The following TMEM39A variants were observed in gnomAD, a reference collection of about 807,000 sequenced individuals.
TMEM39A encodes suppressor of SQST-1 aggregates in rpl-43 mutants.
Under a neutral mutation model 51.9 loss-of-function variants are expected in TMEM39A, and 19 were observed. That is an observed-to-expected ratio of 0.37 (90% CI 0.26 to 0.54). TMEM39A has a LOEUF of 0.54. TMEM39A is among the 20% of genes least tolerant of loss of function. The pLI is 0.88. For synonymous variants in TMEM39A, 197 were observed against 220.2 expected, an observed-to-expected ratio of 0.89 and a Z score of 0.93; for missense variants, 433 against 590.5, an observed-to-expected ratio of 0.73 and a Z score of 2.76.
intron 2 of TMEM39A, among the ~76,000 whole-genome samples, chr3:119,461,491 CTT>C (rs2081336353): frequency 6.6e-6 from 1 of 152,226 alleles, no homozygotes; most frequent in Admixed American, 6.5e-5. Context: ...AAAAGTATCT[CTT>C]TGAACTGCTA....
chr3:119,461,885 A>T, intron 2 of TMEM39A, 77 bp downstream of exon 2: 1 of 1,136,580 alleles, frequency 8.8e-7, no homozygotes, highest in Non-Finnish European at 1.3e-6. Flanking sequence ...CAAATATCTG[A>T]ATGACATGAT....
intron 2 of TMEM39A, among the ~76,000 whole-genome samples, chr3:119,459,113 G>C: frequency 6.6e-6 from 1 of 152,128 alleles, no homozygotes; most frequent in Admixed American, 6.6e-5. Flanking sequence ...AAAGAATGCA[G>C]GTGTTCAACA....
In TMEM39A at chr3:119,429,683, T is replaced by C. The variant is rs1299724209; in HGVS notation, c.*2298A>G. 1 of 152,128 alleles carries C rather than the reference T, an allele frequency of 6.6e-6. No individual in the cohort carries two copies. Among genetic ancestry groups the C allele is most frequent in the Admixed American group, 6.6e-5 (1 of 15,258 alleles). The allele number at this position is 152,128 out of a possible 1,614,324, so 9.4% of individuals were successfully genotyped here. On this transcript the variant is annotated 3_prime_UTR_variant, in exon 9 of 9. Transcript: ENST00000319172. Reference sequence around the variant, plus strand: ...ACAAACAAACAAAAAACAGCTGGAATGTGTAGAACACGTTGAACTAAACGG... The same window carrying C: ...ACAAACAAACAAAAAACAGCTGGAACGTGTAGAACACGTTGAACTAAACGG...
intron 7 of TMEM39A, among the ~76,000 whole-genome samples, chr3:119,436,096 T>C (rs1317165162): frequency 2.0e-5 from 3 of 152,102 alleles, no homozygotes; most frequent in Admixed American, 6.5e-5. Flanking sequence ...ATGGTTTGGG[T>C]CTGAAAGAAA....
At chr3:119,452,402 C>T (rs1195767770) in intron 4 of TMEM39A, 45 bp downstream of exon 4, 1 of 1,495,644 alleles carries the variant, frequency 6.7e-7, no homozygotes, top group Non-Finnish European at 9.2e-7. Flanking sequence ...ATTCTAGTAA[C>T]TAACTCTAGC....
At chr3:119,439,162 G>C (rs2081015952) in intron 5 of TMEM39A, among the ~76,000 whole-genome samples, 1 of 152,054 alleles carries the variant, frequency 6.6e-6, no homozygotes, top group African/African-American at 2.4e-5. Context: ...TCCAACTGTT[G>C]GTTCCTTAAA....
chr3:119,451,830 CAAAAAAAAAAAA>C (rs10653676), intron 4 of TMEM39A, among the ~76,000 whole-genome samples: 3 of 54,304 alleles, frequency 5.5e-5, no homozygotes, highest in African/African-American at 1.6e-4. Context: ...AACTCCGTCT[CAAAAAAAAAAAA>C]AAAAAAAAAA....
intron 8 of TMEM39A, among the ~76,000 whole-genome samples, chr3:119,432,829 T>C (rs563261736): frequency 6.6e-6 from 1 of 152,244 alleles, no homozygotes; most frequent in South Asian, 2.1e-4. Flanking sequence ...CCTGTGTGTT[T>C]AATTACTGAT....
At chr3:119,442,888 C>T (rs1212302789) in intron 5 of TMEM39A, among the ~76,000 whole-genome samples, 1 of 151,802 alleles carries the variant, frequency 6.6e-6, no homozygotes, top group African/African-American at 2.4e-5. Flanking sequence ...AGCAAAACCC[C>T]ACCTCTACAA....
At chr3:119,461,416 C>CA (rs1280650725) in intron 2 of TMEM39A, among the ~76,000 whole-genome samples, 2 of 152,144 alleles carry the variant, frequency 1.3e-5, no homozygotes, top group Non-Finnish European at 2.9e-5. Context: ...AAGAGAAAAA[C>CA]TTTTTTCAGG....
intron 5 of TMEM39A, among the ~76,000 whole-genome samples, chr3:119,443,617 G>C (rs2081084370): frequency 6.6e-6 from 1 of 152,088 alleles, no homozygotes; most frequent in Non-Finnish European, 1.5e-5. Flanking sequence ...GTACTTAATA[G>C]AATACAGATA....
chr3:119,451,183 C>T (rs1230010323), intron 4 of TMEM39A: 2 of 1,168,834 alleles, frequency 1.7e-6, no homozygotes, highest in African/African-American at 3.2e-5. Flanking sequence ...GACGTTCCTA[C>T]TGTGAAAAAC....
At chr3:119,451,961 A>C (rs2081206373) in intron 4 of TMEM39A, among the ~76,000 whole-genome samples, 1 of 152,118 alleles carries the variant, frequency 6.6e-6, no homozygotes, top group South Asian at 2.1e-4. Flanking sequence ...CTTAGATTCT[A>C]ATCTTCAGAT....
At chr3:119,458,285 GT>G in intron 2 of TMEM39A, 45 bp from the exon 3 acceptor site, 1 of 1,545,312 alleles carries the variant, frequency 6.5e-7, no homozygotes, top group South Asian at 1.1e-5. Context: ...ATAACCTCCA[GT>G]ATCACAGAAC....
At chr3:119,433,775 T>C (rs2080929623) in intron 8 of TMEM39A, among the ~76,000 whole-genome samples, 1 of 152,182 alleles carries the variant, frequency 6.6e-6, no homozygotes, top group African/African-American at 2.4e-5. Context: ...AAGGAGATGC[T>C]TGTCGTTTTC....
chr3:119,446,001 C>G (rs1234510383), intron 5 of TMEM39A, among the ~76,000 whole-genome samples: 2 of 152,108 alleles, frequency 1.3e-5, no homozygotes, highest in Non-Finnish European at 2.9e-5. Context: ...TAGTACCAAA[C>G]CCTACATACA....
chr3:119,429,752 G>A lies in TMEM39A; in HGVS notation c.*2229C>T, dbSNP rs954831826. On this transcript the variant is annotated 3_prime_UTR_variant, in exon 9 of 9. Transcript: ENST00000319172. ...GCCATATCTGGAGGTGAGGGTAGGA[G>A]GAACTTTGCAATTCCATTAGCCAAA... The A allele has an allele frequency of 6.6e-6, 1 of 152,098 alleles. No individual in the cohort carries two copies. Among genetic ancestry groups the A allele is most frequent in the African/African-American group, 2.4e-5 (1 of 41,434 alleles). 9.4% of individuals were successfully genotyped at this position (152,098 alleles called of 1,614,324 possible).
At chr3:119,439,975 T>C (rs773695378) in intron 5 of TMEM39A, among the ~76,000 whole-genome samples, 118 of 152,128 alleles carry the variant, frequency 7.8e-4, no homozygotes, top group Non-Finnish European at 2.2e-4. Context: ...CCTATGTTGC[T>C]CAGGCTGGTC....
Position 119,432,137 on chromosome 3 carries a change from A to G in TMEM39A, c.1311T>C (p.Tyr437=), listed in dbSNP as rs1188053716. ...TCCACTTCTCCGACCGCAGCAAGGA[A>G]TAGAGCTGATAGAAGACGACACTGC... is the stretch of plus-strand genomic sequence containing the variant. ...IEGSVVFYQL[Y]SLLRSEKWNH... The change falls in exon 9 of 9, where the codon TAT becomes TAC. Residue 437 remains tyrosine (Y), a synonymous_variant. Coordinates refer to ENST00000319172, the MANE Select transcript of TMEM39A (RefSeq NM_018266.3). The G allele has an allele frequency of 3.1e-6, 5 of 1,613,234 alleles. No individual in the cohort carries two copies. The African/African-American group carries it at 5.3e-5, about 17-fold the overall frequency.
Sources: gnomAD v4.1 joint callset for allele counts (sites outside exome capture counted in the v4.1 genomes callset) on GRCh38, gnomAD v4.1.1 for gene constraint, MANE v1.5 for transcripts, NCBI Gene and HGNC (gene_info 2026-07-23, HGNC 2026-07-21) for gene names.